The following DNAH6 variants were observed in gnomAD, a reference collection of about 807,000 sequenced individuals.
The protein encoded by DNAH6 is dynein axonemal heavy chain 6.
A neutral mutation model predicts 491.4 loss-of-function variants in DNAH6; 340 were observed. That is an observed-to-expected ratio of 0.69 (90% CI 0.63 to 0.76). DNAH6 has a LOEUF of 0.76. DNAH6 is among the 30% of genes least tolerant of loss of function. The pLI is 0.00. For missense variants in DNAH6, 4,443 were observed against 4,972.2 expected (o/e 0.89, Z 3.20); for synonymous variants, 1,603 against 1,686.1 (o/e 0.95, Z 1.21).
chr2:84,772,819 CTG>C (rs1675760868), intron 64 of DNAH6, among the ~76,000 whole-genome samples: 1 of 151,990 alleles, frequency 6.6e-6, no homozygotes, highest in African/African-American at 2.4e-5. Context: ...ATATAGAACA[CTG>C]TACCCAACAA....
chr2:84,585,117 C>T (rs1033462136), intron 15 of DNAH6, among the ~76,000 whole-genome samples: 10 of 152,334 alleles, frequency 6.6e-5, no homozygotes, highest in African/African-American at 2.4e-4. Context: ...GTTCGAAGGA[C>T]TTGGCACTGT....
intron 2 of DNAH6, among the ~76,000 whole-genome samples, chr2:84,521,384 A>T (rs953699575): frequency 9.2e-5 from 14 of 152,004 alleles, no homozygotes; most frequent in African/African-American, 3.1e-4. Context: ...ACCTTCAAAG[A>T]TGCATAGCTT....
At chr2:84,774,472 T>C (rs1202350331) in intron 64 of DNAH6, among the ~76,000 whole-genome samples, 1 of 152,150 alleles carries the variant, frequency 6.6e-6, no homozygotes, top group African/African-American at 2.4e-5. Flanking sequence ...TGTAGCCTTA[T>C]AGTACAGTTT....
chr2:84,525,961 CT>C (rs1676569066), intron 3 of DNAH6, among the ~76,000 whole-genome samples: 1 of 152,050 alleles, frequency 6.6e-6, no homozygotes, highest in African/African-American at 2.4e-5. Flanking sequence ...GCCTTCTGAC[CT>C]TCTTTTGTAT....
chr2:84,783,814 G>C (rs1449692184), intron 65 of DNAH6, among the ~76,000 whole-genome samples: 1 of 152,198 alleles, frequency 6.6e-6, no homozygotes, highest in Non-Finnish European at 1.5e-5. Flanking sequence ...GTTAGAACAT[G>C]GTTGTGCTTT....
chr2:84,817,286 A>G (rs981118054), intron 76 of DNAH6, among the ~76,000 whole-genome samples: 1 of 152,240 alleles, frequency 6.6e-6, no homozygotes, highest in Admixed American at 6.5e-5. Context: ...GATATCAGTC[A>G]ACTCCCATTA....
chr2:84,797,083 A>G (rs1678427361), intron 69 of DNAH6, among the ~76,000 whole-genome samples: 1 of 152,204 alleles, frequency 6.6e-6, no homozygotes, highest in Admixed American at 6.5e-5. Flanking sequence ...ATATCCTGCA[A>G]TCACTATAGA....
rs1357237500 is a variant in DNAH6 at position 84,531,439 on chromosome 2, C to T, written c.662+2273C>T. Among the ~76,000 whole-genome samples the T allele has an allele frequency of 1.2e-4, 2 of 16,614 alleles. 1 individual carries two copies. Among genetic ancestry groups the T allele is most frequent in the African/African-American group, 2.3e-4 (2 of 8,576 alleles). The allele number at this position is 16,614 out of a possible 152,430, so 10.9% of individuals were successfully genotyped here. ...GATCTCGGCTCACTGCAAGCTCCGC[C>T]TCCCGGGTTCACGCCATTCTCCTGC... On this transcript the variant is annotated intron_variant, in intron 4 of 76. Coordinates refer to ENST00000389394, the MANE Select transcript of DNAH6 (RefSeq NM_001370.2).
At chr2:84,576,670 C>G (rs1019496725) in intron 12 of DNAH6, among the ~76,000 whole-genome samples, 11 of 151,946 alleles carry the variant, frequency 7.2e-5, no homozygotes, top group African/African-American at 2.2e-4. Flanking sequence ...AATGAGGTTT[C>G]CATTGGTTCC....
intron 11 of DNAH6, among the ~76,000 whole-genome samples, 158 bp from the exon 12 acceptor site, chr2:84,573,309 A>G (rs1682079756): frequency 1.3e-5 from 2 of 152,226 alleles, no homozygotes; most frequent in South Asian, 4.1e-4. Flanking sequence ...ACTCCTCGAC[A>G]TCAAGAATAT....
intron 45 of DNAH6, 49 bp from the exon 46 acceptor site, chr2:84,694,200 G>C (rs1161627099): frequency 6.6e-7 from 1 of 1,506,756 alleles, no homozygotes; most frequent in Non-Finnish European, 9.0e-7. Flanking sequence ...CTCTGAGCAG[G>C]AGCCATGTCT....
intron 63 of DNAH6, chr2:84,751,380 C>T (rs1673455418): frequency 6.6e-6 from 1 of 152,212 alleles, no homozygotes; most frequent in Admixed American, 6.5e-5. Flanking sequence ...GTGGAATCAA[C>T]TGCTCTATTG....
rs75724971 is a variant in DNAH6, at chr2:84,673,249, A to T, written c.6612+765A>T. On this transcript the variant is annotated intron_variant, in intron 40 of 76. Coordinates refer to ENST00000389394, the MANE Select transcript of DNAH6 (RefSeq NM_001370.2). ...CAAACCAACAGGAGAGGCAGAGGTCACATCCCATGGTGCCGTGGGCCCATG... is the reference window on the plus strand; with the variant it reads ...CAAACCAACAGGAGAGGCAGAGGTCTCATCCCATGGTGCCGTGGGCCCATG... Among the ~76,000 whole-genome samples the T allele has an allele frequency of 3.0e-3, 422 of 141,418 alleles. 7 individuals carry two copies. The East Asian group carries it at 0.068, about 23-fold the overall frequency. The allele number at this position is 141,418 out of a possible 152,430, so 92.8% of individuals were successfully genotyped here.
chr2:84,815,940 T>C lies in DNAH6; in HGVS notation c.12230T>C (p.Ile4077Thr). 3.2e-6 allele frequency: 5 copies of C among 1,551,902 alleles called. No individual in the cohort carries two copies. The highest frequency in any genetic ancestry group is 4.4e-6 in the Non-Finnish European group (5 of 1,147,058). The change falls in exon 76 of 77, where the codon ATA becomes ACA. Residue 4077 changes from isoleucine to threonine, a missense_variant. Physicochemically the swap from Ile to Thr is moderately conservative, Grantham distance 89 (BLOSUM62 -1). Coordinates refer to ENST00000389394, the MANE Select transcript of DNAH6 (RefSeq NM_001370.2). ...ASRWDDKEMV[I>T]EDALPGQMNP... ...CGATGGGATGATAAGGAGATGGTGATAGAAGATGCATTGCCCGGACAGATG... is the reference window on the plus strand; with the variant it reads ...CGATGGGATGATAAGGAGATGGTGACAGAAGATGCATTGCCCGGACAGATG...
chr2:84,595,802 G>C lies in DNAH6; in HGVS notation c.2868+13G>C. The C allele has an allele frequency of 6.5e-7, 1 of 1,535,748 alleles. No individual in the cohort carries two copies. Among genetic ancestry groups the C allele is most frequent in the African/African-American group, 1.4e-5 (1 of 72,118 alleles). ...AATGAAAGAAAAGGTAAGGTTGGTA[G>C]AAGTTATTTCAAAAACTGTAGGCCA... On this transcript the variant is annotated intron_variant, in intron 18 of 76. Coordinates refer to ENST00000389394, the MANE Select transcript of DNAH6 (RefSeq NM_001370.2).
intron 11 of DNAH6, among the ~76,000 whole-genome samples, chr2:84,564,043 C>G (rs909727802): frequency 6.6e-6 from 1 of 152,038 alleles, no homozygotes; most frequent in Non-Finnish European, 1.5e-5. Context: ...CTGTTCTGTT[C>G]TCTTGGTCTA....
chr2:84,674,146 C>T (rs181177111), intron 40 of DNAH6, among the ~76,000 whole-genome samples: 1 of 152,260 alleles, frequency 6.6e-6, no homozygotes, highest in East Asian at 1.9e-4. Flanking sequence ...AAGGATTTCC[C>T]ACCTACTAGC....
intron 59 of DNAH6, among the ~76,000 whole-genome samples, chr2:84,720,488 T>C (rs66638208): frequency 0.074 from 11,074 of 149,298 alleles, 584 homozygotes; most frequent in African/African-American, 0.15. Flanking sequence ...CCGTTTTAGC[T>C]GGGATGGTCT....
upstream of DNAH6, among the ~76,000 whole-genome samples, chr2:84,514,209 A>G (rs1388101040): frequency 6.6e-6 from 1 of 152,106 alleles, no homozygotes; most frequent in African/African-American, 2.4e-5. Context: ...GCCCTGCTAT[A>G]CTCCACTATA....
Sources: allele counts gnomAD v4.1 joint callset (sites outside exome capture counted in the v4.1 genomes callset), GRCh38; gene constraint gnomAD v4.1.1; transcripts MANE v1.5; gene names NCBI Gene and HGNC (gene_info 2026-07-23, HGNC 2026-07-21).